LINGO2: variants seen among roughly 807,000 people sequenced by gnomAD.
The protein encoded by LINGO2 is leucine rich repeat and Ig domain containing 2.
Under a neutral mutation model 30.6 loss-of-function variants are expected in LINGO2, and 14 were observed. That is an observed-to-expected ratio of 0.46 (90% CI 0.30 to 0.72). The LOEUF (loss-of-function observed/expected upper bound fraction) is 0.72. Ranked by LOEUF, LINGO2 falls within the 30% of genes least tolerant of loss-of-function variation. The pLI, the probability that LINGO2 is intolerant of heterozygous loss-of-function variation, is 0.07. For synonymous variants in LINGO2, 317 were observed against 288.5 expected, an observed-to-expected ratio of 1.10 and a Z score of -1.00; for missense variants, 729 against 751.7, an observed-to-expected ratio of 0.97 and a Z score of 0.35.
At chr9:27,971,068 G>T (rs974317042) in intron 5 of LINGO2, among the ~76,000 whole-genome samples, 1 of 151,764 alleles carries the variant, frequency 6.6e-6, no homozygotes, top group Non-Finnish European at 1.5e-5. Flanking sequence ...CTAGCAAATG[G>T]TGGTTCTCCT....
intron 2 of LINGO2, among the ~76,000 whole-genome samples, chr9:28,412,616 A>G (rs951931114): frequency 1.3e-5 from 2 of 152,070 alleles, no homozygotes; most frequent in African/African-American, 4.8e-5. Context: ...TTGCATTTCT[A>G]TAGTACTAAT....
At chr9:28,809,265 A>G in the LINGO2 span, among the ~76,000 whole-genome samples, 2 of 152,214 alleles carry the variant, frequency 1.3e-5, no homozygotes, top group Admixed American at 6.5e-5. Flanking sequence ...TAGAAGGAAC[A>G]AATGGTCGAT....
chr9:28,438,926 C>CTACT (rs1824072381), intron 2 of LINGO2, among the ~76,000 whole-genome samples: 1 of 130,460 alleles, frequency 7.7e-6, no homozygotes, highest in South Asian at 2.4e-4. Flanking sequence ...AAATATATAT[C>CTACT]TATACATTAT....
intron 1 of LINGO2, among the ~76,000 whole-genome samples, chr9:28,650,128 C>CAAATTAAGAAATT (rs1828029387): frequency 6.6e-6 from 1 of 151,696 alleles, no homozygotes; most frequent in Non-Finnish European, 1.5e-5. Flanking sequence ...AGGAATATTA[C>CAAATTAAGAAATT]TATATTAAGA....
chr9:28,812,406 G>A, the LINGO2 span, among the ~76,000 whole-genome samples: 955 of 151,932 alleles, frequency 6.3e-3, 13 homozygotes, highest in African/African-American at 0.021. Context: ...TTCATGATGC[G>A]CAATTATTTG....
chr9:29,024,290 C>T, the LINGO2 span, among the ~76,000 whole-genome samples: 1 of 151,962 alleles, frequency 6.6e-6, no homozygotes, highest in African/African-American at 2.4e-5. Context: ...GGAATATTAA[C>T]AAAATGTAAT....
intron 4 of LINGO2, among the ~76,000 whole-genome samples, chr9:28,278,439 C>A (rs147591611): frequency 6.6e-6 from 1 of 152,174 alleles, no homozygotes; most frequent in African/African-American, 2.4e-5. Context: ...AAAGGACATG[C>A]TGATCCTCTT....
At chr9:28,044,758 G>A (rs1193715962) in intron 4 of LINGO2, among the ~76,000 whole-genome samples, 3 of 122,862 alleles carry the variant, frequency 2.4e-5, no homozygotes, top group Non-Finnish European at 5.2e-5. Context: ...AGGGCAAGCA[G>A]GTGGGAAGCA....
chr9:28,039,169 A>C (rs987886847), intron 4 of LINGO2, among the ~76,000 whole-genome samples: 2 of 152,190 alleles, frequency 1.3e-5, no homozygotes, highest in Non-Finnish European at 2.9e-5. Context: ...AACAAGTATA[A>C]GTAGGCCGTG....
At chr9:28,578,322 C>T (rs1016888551) in intron 1 of LINGO2, among the ~76,000 whole-genome samples, 13 of 152,028 alleles carry the variant, frequency 8.6e-5, no homozygotes, top group Admixed American at 5.9e-4. Context: ...ATTCAGATTG[C>T]CTGTGTGTCT....
At chr9:28,658,560 T>C (rs1828458481) in intron 1 of LINGO2, among the ~76,000 whole-genome samples, 4 of 152,152 alleles carry the variant, frequency 2.6e-5, no homozygotes, top group Admixed American at 2.6e-4. Flanking sequence ...TAGCCATGTT[T>C]GTTCTATTTC....
the LINGO2 span, among the ~76,000 whole-genome samples, chr9:28,853,168 C>G: frequency 6.6e-6 from 1 of 152,048 alleles, no homozygotes. Flanking sequence ...ATTGTGGCTT[C>G]CATTTCTTTG....
chr9:28,112,029 AG>A (rs1826813003), intron 4 of LINGO2, among the ~76,000 whole-genome samples: 1 of 123,892 alleles, frequency 8.1e-6, no homozygotes, highest in Non-Finnish European at 1.7e-5. Context: ...ATCTAGCATT[AG>A]GTATATCTCC....
intron 4 of LINGO2, among the ~76,000 whole-genome samples, chr9:28,097,324 C>A (rs1000739960): frequency 1.3e-5 from 2 of 151,710 alleles, no homozygotes; most frequent in Non-Finnish European, 2.9e-5. Flanking sequence ...ACCCAGCCAT[C>A]CCATTACTGG....
At chr9:28,954,925 T>A in the LINGO2 span, among the ~76,000 whole-genome samples, 2 of 152,132 alleles carry the variant, frequency 1.3e-5, no homozygotes, top group African/African-American at 4.8e-5. Flanking sequence ...GAAACTGCCC[T>A]GCTCATAATT....
the LINGO2 span, among the ~76,000 whole-genome samples, chr9:28,715,968 C>G: frequency 4.6e-5 from 7 of 151,862 alleles, no homozygotes; most frequent in South Asian, 1.5e-3. Context: ...AGTTGGGGGT[C>G]TAGAAACAAA....
At chr9:28,863,912 A>G in the LINGO2 span, among the ~76,000 whole-genome samples, 7 of 152,250 alleles carry the variant, frequency 4.6e-5, no homozygotes, top group South Asian at 4.1e-4. Context: ...TGCTTTCTAT[A>G]TTATATACCA....
chr9:29,052,016 T>C, the LINGO2 span, among the ~76,000 whole-genome samples: 10 of 152,174 alleles, frequency 6.6e-5, no homozygotes, highest in Non-Finnish European at 1.0e-4. Context: ...GGTTGAACCA[T>C]ACGAAATTGT....
chr9:28,728,716 T>C, the LINGO2 span, among the ~76,000 whole-genome samples: 4 of 151,646 alleles, frequency 2.6e-5, no homozygotes, highest in Non-Finnish European at 5.9e-5. Flanking sequence ...ATAAACCTCA[T>C]AAGGAATGGG....
Sources: allele counts gnomAD v4.1 joint callset (sites outside exome capture counted in the v4.1 genomes callset), GRCh38; gene constraint gnomAD v4.1.1; transcripts MANE v1.5; gene names NCBI Gene and HGNC (gene_info 2026-07-23, HGNC 2026-07-21).